The following TLN1 variants were observed in gnomAD, a reference collection of about 807,000 sequenced individuals.
TLN1 encodes talin-1.
A neutral mutation model predicts 292.3 loss-of-function variants in TLN1; 56 were observed. That is an observed-to-expected ratio of 0.19 (90% CI 0.15 to 0.24). The LOEUF is 0.24. Ranked by LOEUF, TLN1 falls within the 10% of genes least tolerant of loss-of-function variation. The pLI, the probability that TLN1 is intolerant of heterozygous loss-of-function variation, is 1.00. For missense variants in TLN1, 2,433 were observed against 3,248.2 expected (o/e 0.75, Z 6.10); for synonymous variants, 1,119 against 1,253.7 (o/e 0.89, Z 2.27).
In TLN1 at chr9:35,714,964, G is replaced by A. The variant is rs1825752120; in HGVS notation, c.2755-88C>T. On this transcript the variant is annotated intron_variant, in intron 21 of 56. Transcript: ENST00000314888. This position sits in a 1 kb window ranked among gnomAD's most constrained non-coding sequence, Gnocchi z 4.6. ...CTACCTTGCCCAGGTTATGCCTCAA[G>A]GACGTATTAACTTACTCTCCGCACC... 1.2e-6 allele frequency: 2 copies of A among 1,609,898 alleles called. No individual in the cohort carries two copies. Among genetic ancestry groups the A allele is most frequent in the Non-Finnish European group, 1.7e-6 (2 of 1,179,156 alleles).
chr9:35,716,103 C>A (rs541983118), intron 20 of TLN1, among the ~76,000 whole-genome samples: 24 of 151,758 alleles, frequency 1.6e-4, no homozygotes, highest in Non-Finnish European at 3.1e-4. Flanking sequence ...TGCCTGCAAT[C>A]CTAACACTTC....
chr9:35,729,016 G>A (rs1826024376), intron 1 of TLN1, among the ~76,000 whole-genome samples: 1 of 152,022 alleles, frequency 6.6e-6, no homozygotes, highest in Admixed American at 6.6e-5. Context: ...ATCATTTGAA[G>A]CTAGAATTTT....
At chr9:35,705,514 G>A in intron 43 of TLN1, 37 bp downstream of exon 43, 1 of 1,532,920 alleles carries the variant, frequency 6.5e-7, no homozygotes, top group Non-Finnish European at 8.8e-7. Flanking sequence ...TCAGGAACAA[G>A]GGGCAGGGGG....
chr9:35,731,613 T>C (rs1826081282), intron 1 of TLN1, among the ~76,000 whole-genome samples: 1 of 152,192 alleles, frequency 6.6e-6, no homozygotes, highest in South Asian at 2.1e-4. Flanking sequence ...TGACGTATGA[T>C]GGCCATCCCA....
Position 35,713,301 on chromosome 9 carries a change from A to G in TLN1, c.3250-3T>C. ...AGGTCCTGGGTACACTTCTCCATCT[A>G]AGGATGAAGGGGGAAGAATTGGGCT... On this transcript the variant is annotated splice_polypyrimidine_tract_variant and splice_region_variant and intron_variant, in intron 25 of 56. Coordinates refer to ENST00000314888, the MANE Select transcript of TLN1 (RefSeq NM_006289.4). 1 of 1,583,140 alleles carries G rather than the reference A, an allele frequency of 6.3e-7. No individual in the cohort carries two copies. Among genetic ancestry groups the G allele is most frequent in the Non-Finnish European group, 8.7e-7 (1 of 1,155,148 alleles).
Position 35,719,439 on chromosome 9 carries a change from T to G in TLN1, c.1687+80A>C. ...CAGTGAGTCAAGGCACAGTCACACATGAAGCCAGTCACATGCATGCCTGTG... is the reference window on the plus strand; with the variant it reads ...CAGTGAGTCAAGGCACAGTCACACAGGAAGCCAGTCACATGCATGCCTGTG... On this transcript the variant is annotated intron_variant, in intron 15 of 56. Transcript: ENST00000314888. This position sits in a 1 kb window ranked among gnomAD's most constrained non-coding sequence, Gnocchi z 4.6. 2 of 1,407,284 alleles carry G rather than the reference T, an allele frequency of 1.4e-6. No homozygotes were observed. Among genetic ancestry groups the G allele is most frequent in the Non-Finnish European group, 2.0e-6 (2 of 993,640 alleles). The allele number at this position is 1,407,284 out of a possible 1,614,324, so 87.2% of individuals were successfully genotyped here. A position where few individuals can be genotyped will look rare whatever the true frequency, so the allele number is the denominator to read the frequency against.
Position 35,697,687 on chromosome 9 carries a change from G to A in TLN1, c.*104C>T. The A allele has an allele frequency of 2.7e-6, 4 of 1,508,876 alleles. No homozygotes were observed. Among genetic ancestry groups the A allele is most frequent in the Non-Finnish European group, 3.6e-6 (4 of 1,120,394 alleles). The allele number at this position is 1,508,876 out of a possible 1,614,324, so 93.5% of individuals were successfully genotyped here. On this transcript the variant is annotated 3_prime_UTR_variant, in exon 57 of 57. Transcript: ENST00000314888. The stretch of plus-strand genomic sequence containing the variant: ...GCCCTGGGGTTTGGCAGGCACTTTG[G>A]GGAGTGCTGGGGTTGGGCAGGTTGG...
In TLN1 at chr9:35,699,271, C is replaced by A; in HGVS notation, c.6874+85G>T. On this transcript the variant is annotated intron_variant, in intron 51 of 56. Transcript: ENST00000314888. This position sits in a 1 kb window ranked among gnomAD's most constrained non-coding sequence, Gnocchi z 4.0. Reference sequence around the variant, plus strand: ...CATCTGTGGGGACTATGGTCAGAGGCTAGCACAGAGCTGTCCAGCCAGGAA... The same window carrying A: ...CATCTGTGGGGACTATGGTCAGAGGATAGCACAGAGCTGTCCAGCCAGGAA... The A allele has an allele frequency of 6.4e-7, 1 of 1,562,910 alleles. No individual in the cohort carries two copies. Among genetic ancestry groups the A allele is most frequent in the Non-Finnish European group, 8.7e-7 (1 of 1,152,446 alleles).
Position 35,725,572 on chromosome 9 carries a change from A to G in TLN1, c.123T>C (p.Ala41=). 1 of 1,612,944 alleles carries G rather than the reference A, an allele frequency of 6.2e-7. No homozygotes were observed. Among genetic ancestry groups the G allele is most frequent in the East Asian group, 2.2e-5 (1 of 44,836 alleles). ...CGGGGGAGTCAGACTCACGAGGACC[A>G]GCTGGGGCCTCTGGGATCCGCTCAC... The part of the protein sequence containing the change: ...IIRERIPEAP[A]GPPSDFGLFL... The change falls in exon 2 of 57, where the codon GCT becomes GCC. Residue 41 remains alanine, a synonymous_variant. Transcript: ENST00000314888.
At chr9:35,708,219 T>C (rs1432923607) in intron 34 of TLN1, 122 bp downstream of exon 34, 3 of 1,255,974 alleles carry the variant, frequency 2.4e-6, no homozygotes, top group East Asian at 2.4e-5. Flanking sequence ...AAAAAGAAGC[T>C]GTGTGTGCAA....
At position 35,699,572 on chromosome 9, in the gene TLN1, A is replaced by T. The variant is rs530832559; in HGVS notation, c.6769-111T>A. On this transcript the variant is annotated intron_variant, in intron 50 of 56. Coordinates refer to ENST00000314888, the MANE Select transcript of TLN1 (RefSeq NM_006289.4). The surrounding 1 kb of genome is among the most constrained non-coding windows in gnomAD (Gnocchi z 4.0). Reference sequence around the variant, plus strand: ...CACCCCTATCCCTAGAGCACTCCACACCATAGCCCTCAAACTCCACGCTGC... The same window carrying T: ...CACCCCTATCCCTAGAGCACTCCACTCCATAGCCCTCAAACTCCACGCTGC... 2.8e-6 allele frequency: 4 copies of T among 1,443,824 alleles called. No individual in the cohort carries two copies. Among genetic ancestry groups the T allele is most frequent in the Non-Finnish European group, 3.6e-6 (4 of 1,098,114 alleles). 89.4% of individuals were successfully genotyped at this position (1,443,824 alleles called of 1,614,324 possible).
At position 35,717,053 on chromosome 9, in the gene TLN1, G is replaced by A. The variant is rs1197219459; in HGVS notation, c.2458+93C>T. 2 of 1,421,154 alleles carry A rather than the reference G, an allele frequency of 1.4e-6. No individual in the cohort carries two copies. The highest frequency in any genetic ancestry group is 1.9e-6 in the Non-Finnish European group (2 of 1,051,366). The allele number at this position is 1,421,154 out of a possible 1,614,324, so 88.0% of individuals were successfully genotyped here. ...AGCCCACACTGTGCTGAGTTCCTTG[G>A]GGTGAAGTGGTTAGGTCCGCAAGGG... On this transcript the variant is annotated intron_variant, in intron 19 of 56. Transcript: ENST00000314888. This position sits in a 1 kb window ranked among gnomAD's most constrained non-coding sequence, Gnocchi z 4.7.
Position 35,714,999 on chromosome 9 carries a change from G to A in TLN1, c.2754+60C>T. ...ACTTACTCTCCGCACCTCCCTTTCA[G>A]TTCATTCCTCCCACAGCACCCACAC... On this transcript the variant is annotated intron_variant, in intron 21 of 56. Transcript: ENST00000314888. This position sits in a 1 kb window ranked among gnomAD's most constrained non-coding sequence, Gnocchi z 4.6. 3 of 1,611,840 alleles carry A rather than the reference G, an allele frequency of 1.9e-6. No individual in the cohort carries two copies. In the East Asian group the frequency reaches 6.7e-5, roughly 36 times the overall value.
chr9:35,700,422 A>G, intron 48 of TLN1, 46 bp from the exon 49 acceptor site: 1 of 1,563,088 alleles, frequency 6.4e-7, no homozygotes, highest in Non-Finnish European at 8.7e-7. Context: ...GGCTGAGACT[A>G]TGAGACAGCG....
At position 35,704,287 on chromosome 9, in the gene TLN1, G is replaced by C; in HGVS notation, c.6047+45C>G. 6.3e-7 allele frequency: 1 copy of C among 1,596,704 alleles called. No individual in the cohort carries two copies. Among genetic ancestry groups the C allele is most frequent in the East Asian group, 2.2e-5 (1 of 44,760 alleles). ...ATGCTATCCTGCCTCTTCCAGCCCC[G>C]TGCCCCGACCTGTCTGCCTCCCTTA... is the stretch of plus-strand genomic sequence containing the variant. On this transcript the variant is annotated intron_variant, in intron 45 of 56. Coordinates refer to ENST00000314888, the MANE Select transcript of TLN1 (RefSeq NM_006289.4). The surrounding 1 kb of genome is among the most constrained non-coding windows in gnomAD (Gnocchi z 6.9).
intron 16 of TLN1, 44 bp from the exon 17 acceptor site, chr9:35,718,954 C>T: frequency 6.2e-7 from 1 of 1,606,522 alleles, no homozygotes; most frequent in Non-Finnish European, 8.5e-7. Flanking sequence ...AATCCCTGCC[C>T]ACATGCCTGT....
At chr9:35,721,947 G>A (rs1454502144) in intron 9 of TLN1, 144 bp from the exon 10 acceptor site, 1 of 1,221,508 alleles carries the variant, frequency 8.2e-7, no homozygotes, top group Non-Finnish European at 1.2e-6. Flanking sequence ...GGAGGGAAGT[G>A]GTGGTGTAGG....
In TLN1 at chr9:35,717,103, AC is replaced by A. The variant is rs1245246875; in HGVS notation, c.2458+42del. 9 of 1,553,352 alleles carry A rather than the reference AC, an allele frequency of 5.8e-6. No homozygotes were observed. In the South Asian group the frequency reaches 7.4e-5, roughly 13 times the overall value. Reference sequence around the variant, plus strand: ...GGATGATGTCCAGTGGGCTTAGGGAACCCTGGTAGGGTTTTTTGTTTTCCTG... The same window carrying A: ...GGATGATGTCCAGTGGGCTTAGGGAACCTGGTAGGGTTTTTTGTTTTCCTG... On this transcript the variant is annotated intron_variant, in intron 19 of 56. Coordinates refer to ENST00000314888, the MANE Select transcript of TLN1 (RefSeq NM_006289.4). The surrounding 1 kb of genome is among the most constrained non-coding windows in gnomAD (Gnocchi z 4.7).
In TLN1 at chr9:35,699,487, AAG is replaced by A; in HGVS notation, c.6769-28_6769-27del. On this transcript the variant is annotated intron_variant, in intron 50 of 56. Transcript: ENST00000314888. The surrounding 1 kb of genome is among the most constrained non-coding windows in gnomAD (Gnocchi z 4.0). The stretch of plus-strand genomic sequence containing the variant: ...CTGGGCAAGAAGCGGGCAGGGGACA[AAG>A]AGCATCACATCTTAGGGTCTACCCT... 1 of 1,601,948 alleles carries A rather than the reference AAG, an allele frequency of 6.2e-7. No individual in the cohort carries two copies. Among genetic ancestry groups the A allele is most frequent in the Non-Finnish European group, 8.5e-7 (1 of 1,173,474 alleles).
Sources: allele counts gnomAD v4.1 joint callset (sites outside exome capture counted in the v4.1 genomes callset), GRCh38; gene constraint gnomAD v4.1.1; non-coding constraint Gnocchi (gnomAD v3.1); transcripts MANE v1.5; gene names NCBI Gene and HGNC (gene_info 2026-07-23, HGNC 2026-07-21).